KDM6A: variants seen among roughly 807,000 people sequenced by gnomAD.
KDM6A encodes lysine-specific demethylase 6A.
KDM6A carries 11 observed loss-of-function variants against 117.6 expected under a neutral mutation model. That is an observed-to-expected ratio of 0.09 (90% CI 0.06 to 0.15). The LOEUF (loss-of-function observed/expected upper bound fraction) is 0.15, where lower values mean the gene tolerates loss of function less well. Among genes scored for constraint, KDM6A ranks in the 10% least tolerant of loss-of-function variants. KDM6A has a pLI of 1.00. For missense variants in KDM6A, 799 were observed against 1,077.3 expected, an observed-to-expected ratio of 0.74 and a Z score of 3.62; for synonymous variants, 384 against 396.1, an observed-to-expected ratio of 0.97 and a Z score of 0.36.
intron 2 of KDM6A, among the ~76,000 whole-genome samples, chrX:44,923,538 CTTTTTTT>C (rs142581355): frequency 2.5e-4 from 8 of 32,195 alleles, no homozygotes; most frequent in African/African-American, 8.8e-4. Flanking sequence ...ATCTTCTCTG[CTTTTTTT>C]TTTTTTTTTT....
At chrX:44,970,462 T>TTC (rs1297460524) in intron 3 of KDM6A, among the ~76,000 whole-genome samples, 2 of 111,551 alleles carry the variant, frequency 1.8e-5, no homozygotes, top group Admixed American at 1.9e-4. Flanking sequence ...TCACATGGAC[T>TTC]TCTTATACTT....
chrX:44,876,832 C>A lies in KDM6A; in HGVS notation c.225+2845C>A, dbSNP rs191151002. ...AAAGTTGAAAGCATTAAATATGTCT[C>A]TTACTTGTCCCTTAACATATGTACG... is the stretch of plus-strand genomic sequence containing the variant. On this transcript the variant is annotated intron_variant, in intron 2 of 29. Transcript: ENST00000611820. Among the ~76,000 whole-genome samples the A allele has an allele frequency of 2.3e-4, 26 of 110,821 alleles. No individual in the cohort carries two copies. The Admixed American group carries it at 2.5e-3, about 11-fold the overall frequency.
At chrX:44,933,749 G>C (rs1314775937) in intron 2 of KDM6A, among the ~76,000 whole-genome samples, 1 of 108,186 alleles carries the variant, frequency 9.2e-6, no homozygotes, top group East Asian at 2.9e-4. Flanking sequence ...GGCTAATTCT[G>C]GTAGTTTTAG....
At chrX:45,017,650 C>T (rs553848846) in intron 5 of KDM6A, among the ~76,000 whole-genome samples, 1 of 111,984 alleles carries the variant, frequency 8.9e-6, no homozygotes, top group South Asian at 3.6e-4. Flanking sequence ...GTTAGAAGAA[C>T]TGATCAGTAA....
At chrX:45,041,415 G>T (rs2043188751) in intron 8 of KDM6A, among the ~76,000 whole-genome samples, 1 of 102,265 alleles carries the variant, frequency 9.8e-6, no homozygotes, top group Admixed American at 9.9e-5. Flanking sequence ...CGGGGCAGCT[G>T]GCCGGGCGGG....
At chrX:44,889,780 C>T (rs767320077) in intron 2 of KDM6A, among the ~76,000 whole-genome samples, 2 of 112,421 alleles carry the variant, frequency 1.8e-5, no homozygotes, top group Non-Finnish European at 3.8e-5. Context: ...ATGGACATCA[C>T]ATGACAGATT....
intron 2 of KDM6A, among the ~76,000 whole-genome samples, chrX:44,955,299 A>T (rs185565510): frequency 1.8e-4 from 20 of 110,922 alleles, no homozygotes; most frequent in African/African-American, 6.6e-4. Context: ...TGAGGAAGGC[A>T]GATGGGTTAG....
chrX:44,991,789 C>A (rs1007213360), intron 4 of KDM6A, among the ~76,000 whole-genome samples: 6 of 111,066 alleles, frequency 5.4e-5, no homozygotes, highest in Non-Finnish European at 9.4e-5. Context: ...TGGGTTCAAG[C>A]GATTCTCCTG....
intron 2 of KDM6A, among the ~76,000 whole-genome samples, chrX:44,890,802 C>G (rs2033293741): frequency 9.3e-6 from 1 of 107,106 alleles, no homozygotes; most frequent in Non-Finnish European, 1.9e-5. Flanking sequence ...TTACAGGCGC[C>G]CGCCACTACG....
intron 5 of KDM6A, among the ~76,000 whole-genome samples, chrX:45,019,613 T>C (rs952753183): frequency 1.8e-5 from 2 of 111,910 alleles, no homozygotes; most frequent in African/African-American, 6.5e-5. Context: ...AAATAGCCAC[T>C]TTAAGGTCTG....
chrX:44,873,841 T>A, intron 1 of KDM6A, 83 bp from the exon 2 acceptor site: 1 of 1,154,283 alleles, frequency 8.7e-7, no homozygotes, highest in Non-Finnish European at 1.2e-6. Flanking sequence ...TCGCGCCGCC[T>A]CCGCTGGGGC....
chrX:45,063,450 G>C lies in KDM6A; in HGVS notation c.1712G>C (p.Arg571Pro), dbSNP rs1459042930. Reference protein sequence around the residue: ...QMRPTGVAQVRSTGIPNGPTA... With the variant: ...QMRPTGVAQVPSTGIPNGPTA... ...AGACCAACAGGAGTTGCACAGGTAC[G>C]ATCTACTGGAATTCCTAATGGGCCA... The change falls in exon 17 of 30, where the codon CGA (arginine) becomes CCA (proline). Residue 571 changes from arginine to proline, a missense_variant. Physicochemically the swap from Arg to Pro is moderately radical, Grantham distance 103 (BLOSUM62 -2). Transcript: ENST00000611820. 1.7e-6 allele frequency: 2 copies of C among 1,207,248 alleles called. No homozygotes were observed. Among genetic ancestry groups the C allele is most frequent in the Middle Eastern group, 4.6e-4 (2 of 4,345 alleles).
chrX:45,048,154 C>G (rs773348739), intron 8 of KDM6A, among the ~76,000 whole-genome samples: 1 of 78,250 alleles, frequency 1.3e-5, no homozygotes, highest in Admixed American at 1.5e-4. Flanking sequence ...AGTGAAAGTG[C>G]GTCTCAAAAA....
At chrX:44,999,809 G>A (rs766432839) in intron 4 of KDM6A, among the ~76,000 whole-genome samples, 2 of 111,448 alleles carry the variant, frequency 1.8e-5, no homozygotes, top group Non-Finnish European at 3.8e-5. Flanking sequence ...CCATTTTTAT[G>A]AGCCTCTGCA....
At chrX:45,046,476 C>T (rs976052605) in intron 8 of KDM6A, among the ~76,000 whole-genome samples, 1 of 111,607 alleles carries the variant, frequency 9.0e-6, no homozygotes, top group African/African-American at 3.3e-5. Flanking sequence ...AAGTCAGTTA[C>T]AGGCACAAAT....
intron 2 of KDM6A, among the ~76,000 whole-genome samples, chrX:44,879,169 A>G (rs1054432303): frequency 8.9e-6 from 1 of 112,257 alleles, no homozygotes; most frequent in Admixed American, 9.5e-5. Context: ...ATTATGTAAC[A>G]TTTAGTTTTT....
chrX:45,000,751 G>A (rs775933929), intron 4 of KDM6A, among the ~76,000 whole-genome samples: 6 of 112,701 alleles, frequency 5.3e-5, no homozygotes, highest in African/African-American at 1.3e-4. Context: ...GATGGCCCTC[G>A]GGGGCTGACC....
Position 45,112,226 on chromosome X carries a change from T to G in KDM6A, c.*815T>G. Reference sequence around the variant, plus strand: ...ACTGCTTAGCATTGTACAGAAACTTTTATTAAAATTGTTTAATGTTTAAAG... The same window carrying G: ...ACTGCTTAGCATTGTACAGAAACTTGTATTAAAATTGTTTAATGTTTAAAG... On this transcript the variant is annotated 3_prime_UTR_variant, in exon 30 of 30. Coordinates refer to ENST00000611820, the MANE Select transcript of KDM6A (RefSeq NM_001291415.2). The G allele has an allele frequency of 6.4e-6, 1 of 155,196 alleles. No homozygotes were observed. The highest frequency in any genetic ancestry group is 2.3e-3 in the Middle Eastern group (1 of 435). 12.8% of individuals were successfully genotyped at this position (155,196 alleles called of 1,213,427 possible).
rs754875167 is a variant in KDM6A at position 44,974,690 on chromosome X, A to G, written c.359A>G (p.Tyr120Cys). 5 of 1,183,593 alleles carry G rather than the reference A, an allele frequency of 4.2e-6. No homozygotes were observed. The highest frequency in any genetic ancestry group is 1.8e-5 in the African/African-American group (1 of 56,688). ...GCATTATCTGCATACCAGAGGTACTACAGTTTACAGTCTGACTACTGGAAG... is the reference window on the plus strand; with the variant it reads ...GCATTATCTGCATACCAGAGGTACTGCAGTTTACAGTCTGACTACTGGAAG... ...PKALSAYQRY[Y>C]SLQSDYWKNA... Residue 120 changes from tyrosine to cysteine, a missense_variant, in exon 4 of 30, where the codon TAC becomes TGC. This residue lies in a region of KDM6A where 89 missense variants were observed against 117.8 expected (regional missense o/e 0.76). Transcript: ENST00000611820.
Sources: gnomAD v4.1 joint callset for allele counts (sites outside exome capture counted in the v4.1 genomes callset) on GRCh38, gnomAD v4.1.1 for gene constraint, gnomAD v4.1.1 regional missense constraint, MANE v1.5 for transcripts, NCBI Gene and HGNC (gene_info 2026-07-23, HGNC 2026-07-21) for gene names.